ROBO1: variants seen among roughly 807,000 people sequenced by gnomAD.
ROBO1 encodes roundabout homolog 1.
A neutral mutation model predicts 195.9 loss-of-function variants in ROBO1; 149 were observed. That is an observed-to-expected ratio of 0.76 (90% CI 0.67 to 0.87). The LOEUF (loss-of-function observed/expected upper bound fraction) is 0.87. Among genes scored for constraint, ROBO1 ranks in the 40% least tolerant of loss-of-function variants. The probability of loss-of-function intolerance (pLI) is 0.00; values close to 1 mark genes in which losing one functional copy is unlikely to be tolerated. For missense variants in ROBO1, 1,933 were observed against 2,068.3 expected (o/e 0.93, Z 1.27); for synonymous variants, 816 against 733.2 (o/e 1.11, Z -1.82).
intron 2 of ROBO1, among the ~76,000 whole-genome samples, chr3:79,247,958 A>G (rs974575056): frequency 1.3e-5 from 2 of 152,134 alleles, no homozygotes; most frequent in East Asian, 3.9e-4. Flanking sequence ...TCATTCAATT[A>G]TCAAAATTCT....
intron 1 of ROBO1, among the ~76,000 whole-genome samples, chr3:79,668,922 A>G (rs1946551427): frequency 6.6e-6 from 1 of 151,924 alleles, no homozygotes; most frequent in South Asian, 2.1e-4. Flanking sequence ...TTCTAGTACT[A>G]TAGTCATGTG....
At chr3:78,974,286 C>T (rs189719866) in intron 3 of ROBO1, among the ~76,000 whole-genome samples, 9 of 150,296 alleles carry the variant, frequency 6.0e-5, no homozygotes, top group Non-Finnish European at 1.2e-4. Context: ...GGAGAGAGAA[C>T]GAAAGGGAAA....
At chr3:79,374,278 T>A (rs2036305276) in intron 2 of ROBO1, among the ~76,000 whole-genome samples, 1 of 152,132 alleles carries the variant, frequency 6.6e-6, no homozygotes, top group Non-Finnish European at 1.5e-5. Context: ...TAGTTAAAAT[T>A]CTGAAAATAA....
chr3:79,367,531 G>T (rs764074558), intron 2 of ROBO1, among the ~76,000 whole-genome samples: 1 of 152,196 alleles, frequency 6.6e-6, no homozygotes, highest in African/African-American at 2.4e-5. Flanking sequence ...CACACAGTTT[G>T]CCTGACTACT....
intron 25 of ROBO1, among the ~76,000 whole-genome samples, chr3:78,630,000 C>G (rs1012241784): frequency 6.6e-6 from 1 of 152,146 alleles, no homozygotes; most frequent in East Asian, 1.9e-4. Flanking sequence ...TAAAATGGCC[C>G]TCAAAAGAAG....
chr3:79,204,255 T>A (rs1223922587), intron 2 of ROBO1, among the ~76,000 whole-genome samples: 1 of 152,182 alleles, frequency 6.6e-6, no homozygotes, highest in Non-Finnish European at 1.5e-5. Context: ...TTTTGAAATA[T>A]CTTATAAGTT....
rs1413023457 is a variant in ROBO1 at position 79,761,417 on chromosome 3, T to C, written c.-51+6335A>G. ...CAAATTTACCACACTGGTTACCTCT[T>C]AGAAGGGAGATTCAATCTGGAAGAG... On this transcript the variant is annotated intron_variant, in intron 1 of 30. Transcript: ENST00000464233. Among the ~76,000 whole-genome samples, 3 of 152,158 alleles carry C rather than the reference T, an allele frequency of 2.0e-5. No homozygotes were observed. The East Asian group carries it at 5.8e-4, about 29-fold the overall frequency.
chr3:79,670,776 G>A (rs369082586), intron 1 of ROBO1, among the ~76,000 whole-genome samples: 3 of 151,944 alleles, frequency 2.0e-5, no homozygotes, highest in South Asian at 2.1e-4. Context: ...GGCCAAATAA[G>A]TGTAAAGAAG....
At chr3:78,885,336 T>G (rs972222482) in intron 4 of ROBO1, among the ~76,000 whole-genome samples, 3 of 127,138 alleles carry the variant, frequency 2.4e-5, no homozygotes, top group African/African-American at 9.0e-5. Context: ...GATAAAGAAA[T>G]AATCTGTACA....
intron 2 of ROBO1, among the ~76,000 whole-genome samples, chr3:79,205,283 C>T (rs1181407732): frequency 2.0e-5 from 3 of 152,106 alleles, no homozygotes; most frequent in African/African-American, 2.4e-5. Flanking sequence ...TGTGAGCCAC[C>T]ATGTCCGGCC....
intron 1 of ROBO1, among the ~76,000 whole-genome samples, chr3:79,692,555 AAAAG>A (rs891334730): frequency 5.7e-4 from 87 of 151,980 alleles, no homozygotes; most frequent in African/African-American, 2.1e-3. Flanking sequence ...GCTAGATTCC[AAAAG>A]AAAGACACAG....
rs1331676822 is a variant in ROBO1, at chr3:79,173,182, C to A, written c.89-47643G>T. On this transcript the variant is annotated intron_variant, in intron 2 of 30. Transcript: ENST00000464233. ...GAGAGGTGACAGCGTGCTGGCAGCC[C>A]TCACAGCCCTCACTCGCTCTCGGTG... Among the ~76,000 whole-genome samples the A allele has an allele frequency of 2.0e-5, 3 of 152,108 alleles. No homozygotes were observed. In the East Asian group the frequency reaches 5.8e-4, roughly 30 times the overall value.
At chr3:78,766,697 G>A (rs990956019) in intron 4 of ROBO1, among the ~76,000 whole-genome samples, 2 of 152,078 alleles carry the variant, frequency 1.3e-5, no homozygotes, top group Non-Finnish European at 2.9e-5. Context: ...TCTTGTTCCC[G>A]TTCTCATAGC....
chr3:79,601,122 G>A (rs533940817), intron 1 of ROBO1, among the ~76,000 whole-genome samples: 1 of 152,024 alleles, frequency 6.6e-6, no homozygotes, highest in East Asian at 1.9e-4. Flanking sequence ...TCCCAGAAGT[G>A]AACATTAGAG....
At chr3:79,312,031 C>T (rs890744683) in intron 2 of ROBO1, among the ~76,000 whole-genome samples, 12 of 152,186 alleles carry the variant, frequency 7.9e-5, no homozygotes, top group African/African-American at 2.9e-4. Context: ...GGCACCTTGG[C>T]TCTTCCCTAA....
At chr3:79,681,444 G>T (rs1036817942) in intron 1 of ROBO1, among the ~76,000 whole-genome samples, 1 of 151,966 alleles carries the variant, frequency 6.6e-6, no homozygotes, top group Non-Finnish European at 1.5e-5. Flanking sequence ...GGCAGTAAGT[G>T]CCAGAGGCCA....
chr3:79,305,873 T>C (rs1022433617), intron 2 of ROBO1, among the ~76,000 whole-genome samples: 1 of 152,146 alleles, frequency 6.6e-6, no homozygotes. Context: ...ATTTCCTTTA[T>C]CTAATAGATA....
chr3:79,666,371 A>G (rs1471951780), intron 1 of ROBO1, among the ~76,000 whole-genome samples: 1 of 151,948 alleles, frequency 6.6e-6, no homozygotes, highest in East Asian at 1.9e-4. Context: ...ACAATTGATT[A>G]GTTATTCATT....
chr3:78,790,928 A>G (rs2084000044), intron 4 of ROBO1, among the ~76,000 whole-genome samples: 1 of 152,178 alleles, frequency 6.6e-6, no homozygotes. Context: ...TAGTCCCCCC[A>G]TCAGACTTGT....
Sources: gnomAD v4.1 joint callset for allele counts (sites outside exome capture counted in the v4.1 genomes callset) on GRCh38, gnomAD v4.1.1 for gene constraint, MANE v1.5 for transcripts, NCBI Gene and HGNC (gene_info 2026-07-23, HGNC 2026-07-21) for gene names.